The following TMEM132C variants were observed in gnomAD, a reference collection of about 807,000 sequenced individuals.
The protein encoded by TMEM132C is protein phosphatase 1, regulatory subunit 152.
Under a neutral mutation model 61.4 loss-of-function variants are expected in TMEM132C, and 29 were observed. The observed-to-expected ratio is 0.47, with a 90% CI of 0.35 to 0.64. The LOEUF (loss-of-function observed/expected upper bound fraction) is 0.64. TMEM132C is among the 30% of genes least tolerant of loss of function. The pLI is 0.00. For synonymous variants in TMEM132C, 656 were observed against 633.1 expected, an observed-to-expected ratio of 1.04 and a Z score of -0.54; for missense variants, 1,408 against 1,476.9, an observed-to-expected ratio of 0.95 and a Z score of 0.76.
chr12:128,507,240 G>T (rs976701195), intron 2 of TMEM132C, among the ~76,000 whole-genome samples: 1 of 151,960 alleles, frequency 6.6e-6, no homozygotes, highest in Non-Finnish European at 1.5e-5. Context: ...TTCCATTACT[G>T]CATACTTCAC....
chr12:128,327,535 A>C (rs2135941797), intron 1 of TMEM132C, among the ~76,000 whole-genome samples: 1 of 151,898 alleles, frequency 6.6e-6, no homozygotes, highest in Non-Finnish European at 1.5e-5. Context: ...GGTGCCCACC[A>C]CCATGCCCGG....
chr12:128,360,062 C>T (rs1201893959), intron 1 of TMEM132C, among the ~76,000 whole-genome samples: 3 of 152,074 alleles, frequency 2.0e-5, no homozygotes, highest in Non-Finnish European at 2.9e-5. Flanking sequence ...CATTTTGTTC[C>T]ACAGGTATTT....
At chr12:128,365,648 T>C (rs1343274441) in intron 1 of TMEM132C, among the ~76,000 whole-genome samples, 3 of 152,202 alleles carry the variant, frequency 2.0e-5, no homozygotes, top group Non-Finnish European at 4.4e-5. Context: ...GTTGTTGGAG[T>C]ACCGGTTCCA....
rs374674956 is a variant in TMEM132C, at chr12:128,463,423, A to G, written c.974+47803A>G. Among the ~76,000 whole-genome samples the G allele has an allele frequency of 6.2e-4, 94 of 152,096 alleles. 2 individuals carry two copies. In the South Asian group the frequency reaches 9.1e-3, roughly 15 times the overall value. Reference sequence around the variant, plus strand: ...TACCTCCGCCTCCTGGGTTCAAGTGATTCTCCTGCCTCAGCCTCCCGAGTA... The same window carrying G: ...TACCTCCGCCTCCTGGGTTCAAGTGGTTCTCCTGCCTCAGCCTCCCGAGTA... On this transcript the variant is annotated intron_variant, in intron 2 of 8. Coordinates refer to ENST00000435159, the MANE Select transcript of TMEM132C (RefSeq NM_001136103.3).
At chr12:128,390,978 T>C (rs1425504535) in intron 1 of TMEM132C, among the ~76,000 whole-genome samples, 1 of 152,198 alleles carries the variant, frequency 6.6e-6, no homozygotes, top group African/African-American at 2.4e-5. Context: ...TGTGCTGTCC[T>C]CTTGGTGCAT....
At chr12:128,610,621 A>G (rs1210888136) in intron 3 of TMEM132C, among the ~76,000 whole-genome samples, 2 of 152,200 alleles carry the variant, frequency 1.3e-5, no homozygotes, top group African/African-American at 2.4e-5. Flanking sequence ...TATTACTCCA[A>G]CAACATCACA....
chr12:128,659,955 C>G (rs1954369149), intron 4 of TMEM132C, among the ~76,000 whole-genome samples: 1 of 152,186 alleles, frequency 6.6e-6, no homozygotes, highest in African/African-American at 2.4e-5. Context: ...GGGTTCATAT[C>G]TCAGCTCCAC....
chr12:128,490,881 T>C (rs1011508186), intron 2 of TMEM132C, among the ~76,000 whole-genome samples: 2 of 152,178 alleles, frequency 1.3e-5, no homozygotes, highest in Admixed American at 1.3e-4. Context: ...AGCCTTTCTT[T>C]AGTGATTACC....
chr12:128,665,946 C>T (rs571959122), intron 4 of TMEM132C, among the ~76,000 whole-genome samples: 77 of 149,028 alleles, frequency 5.2e-4, no homozygotes, highest in Middle Eastern at 7.4e-3. Flanking sequence ...TACACAAACA[C>T]AGGCACACAC....
chr12:128,648,202 C>T (rs905650247), intron 4 of TMEM132C, among the ~76,000 whole-genome samples: 25 of 151,480 alleles, frequency 1.7e-4, no homozygotes, highest in Admixed American at 1.1e-3. Context: ...AGTCCATCAG[C>T]GTTGGATGTG....
intron 4 of TMEM132C, among the ~76,000 whole-genome samples, chr12:128,659,601 G>A (rs985156130): frequency 2.6e-5 from 4 of 152,328 alleles, no homozygotes; most frequent in South Asian, 4.1e-4. Context: ...TCAGAGACAG[G>A]TGGCAGGGAA....
chr12:128,653,162 C>T (rs1007735358), intron 4 of TMEM132C, among the ~76,000 whole-genome samples: 5 of 151,980 alleles, frequency 3.3e-5, no homozygotes, highest in Non-Finnish European at 7.4e-5. Flanking sequence ...TGAAAGAAGC[C>T]AGGCACAAAG....
chr12:128,596,639 G>T (rs1013794400), intron 3 of TMEM132C, among the ~76,000 whole-genome samples: 1 of 147,634 alleles, frequency 6.8e-6, no homozygotes, highest in Admixed American at 6.7e-5. Context: ...ATCACACTGG[G>T]CTGCCCCTTT....
intron 1 of TMEM132C, chr12:128,400,216 T>G (rs975968438): frequency 6.6e-6 from 1 of 152,294 alleles, no homozygotes; most frequent in Non-Finnish European, 1.5e-5. Context: ...GGCCCCTCAC[T>G]GGGCCAACCC....
In TMEM132C at chr12:128,456,366, C is replaced by CTTTTTTTTTTTTTTTTTT; in HGVS notation, c.974+40788_974+40805dup. 3.8e-5 allele frequency among the ~76,000 whole-genome samples: 2 copies of CTTTTTTTTTTTTTTTTTT among 52,498 alleles called. 1 individual carries two copies. Among genetic ancestry groups the CTTTTTTTTTTTTTTTTTT allele is most frequent in the Non-Finnish European group, 8.0e-5 (2 of 25,140 alleles). The allele number at this position is 52,498 out of a possible 152,430, so 34.4% of individuals were successfully genotyped here. On this transcript the variant is annotated intron_variant, in intron 2 of 8. Transcript: ENST00000435159. ...ACCTTAATTCTATGGTCTGATTAGC[C>CTTTTTTTTTTTTTTTTTT]TTTTTTTTTTTTTTTTTTTTTTTTT...
chr12:128,678,197 T>C (rs1441905961), intron 5 of TMEM132C, among the ~76,000 whole-genome samples: 2 of 152,322 alleles, frequency 1.3e-5, no homozygotes, highest in East Asian at 3.9e-4. Flanking sequence ...GAAGAAACTC[T>C]GGAAGGTCTT....
intron 3 of TMEM132C, among the ~76,000 whole-genome samples, chr12:128,601,891 G>C (rs950010027): frequency 2.0e-5 from 3 of 152,162 alleles, no homozygotes; most frequent in Non-Finnish European, 2.9e-5. Context: ...TTTTGTGGCT[G>C]AGTATGGTGA....
chr12:128,632,463 A>G (rs1274157463), intron 4 of TMEM132C, among the ~76,000 whole-genome samples: 1 of 152,188 alleles, frequency 6.6e-6, no homozygotes, highest in Non-Finnish European at 1.5e-5. Context: ...TACAGACTTA[A>G]TTGATGTTCT....
intron 2 of TMEM132C, among the ~76,000 whole-genome samples, chr12:128,431,698 G>T (rs1314329212): frequency 2.0e-5 from 3 of 151,892 alleles, no homozygotes; most frequent in Non-Finnish European, 2.9e-5. Flanking sequence ...GGGATTACAG[G>T]TGCTGGCCAC....
Sources: allele counts gnomAD v4.1 joint callset (sites outside exome capture counted in the v4.1 genomes callset), GRCh38; gene constraint gnomAD v4.1.1; transcripts MANE v1.5; gene names NCBI Gene and HGNC (gene_info 2026-07-23, HGNC 2026-07-21).